The following EMC3 variants were observed in gnomAD, a reference collection of about 807,000 sequenced individuals.
EMC3 encodes the protein 30 kDa protein.
Under a neutral mutation model 36.6 loss-of-function variants are expected in EMC3, and 13 were observed. The ratio of observed to expected loss-of-function variants is 0.35; its 90% CI spans 0.23 to 0.56. The LOEUF (loss-of-function observed/expected upper bound fraction) is 0.56, where lower values mean the gene tolerates loss of function less well. Ranked by LOEUF, EMC3 falls within the 20% of genes least tolerant of loss-of-function variation. EMC3 has a pLI of 0.84. For missense variants in EMC3, 220 were observed against 324.5 expected, an observed-to-expected ratio of 0.68 and a Z score of 2.47; for synonymous variants, 120 against 111.9, an observed-to-expected ratio of 1.07 and a Z score of -0.46.
At chr3:10,007,993 C>T (rs939797508) in intron 1 of EMC3, among the ~76,000 whole-genome samples, 1 of 152,164 alleles carries the variant, frequency 6.6e-6, no homozygotes, top group Non-Finnish European at 1.5e-5. Context: ...CTCCTTGTCT[C>T]CCCAGTGAGC....
intron 1 of EMC3, chr3:10,004,280 A>C (rs1259415908): frequency 6.6e-6 from 1 of 152,228 alleles, no homozygotes; most frequent in African/African-American, 2.4e-5. Flanking sequence ...CCGTGGGTGA[A>C]CAGTGGTCAG....
At chr3:9,981,693 C>A (rs531010552) in intron 1 of EMC3, 17 of 406,652 alleles carry the variant, frequency 4.2e-5, no homozygotes, top group South Asian at 1.9e-4. Flanking sequence ...TCTCAGCCCC[C>A]CAAAGTGCTG....
At chr3:9,975,234 G>A (rs900133418) in intron 3 of EMC3, among the ~76,000 whole-genome samples, 1 of 152,100 alleles carries the variant, frequency 6.6e-6, no homozygotes, top group Non-Finnish European at 1.5e-5. Context: ...TAGACCTATC[G>A]ATTGTTTCCA....
intron 1 of EMC3, chr3:10,010,075 G>A (rs1378135022): frequency 6.6e-6 from 1 of 152,200 alleles, no homozygotes; most frequent in Non-Finnish European, 1.5e-5. Context: ...CACACCCCCC[G>A]CCTTCACCTA....
upstream of EMC3, chr3:9,988,345 A>G: frequency 6.4e-6 from 6 of 933,472 alleles, no homozygotes; most frequent in Non-Finnish European, 1.1e-5. Flanking sequence ...GTAGAAGAGT[A>G]ATTTTTTTCC....
At chr3:9,971,113 G>T (rs1173559411) in intron 5 of EMC3, among the ~76,000 whole-genome samples, 6 of 151,984 alleles carry the variant, frequency 3.9e-5, no homozygotes, top group Non-Finnish European at 8.8e-5. Flanking sequence ...ATTAGAGATG[G>T]GGTCTCACCA....
At chr3:9,975,629 A>T (rs536210452) in intron 3 of EMC3, among the ~76,000 whole-genome samples, 2 of 151,946 alleles carry the variant, frequency 1.3e-5, no homozygotes, top group African/African-American at 2.4e-5. Context: ...TGGCTAACAC[A>T]ATGAAACCCC....
Position 9,966,176 on chromosome 3 carries a change from C to CT in EMC3, c.658-1980dup, listed in dbSNP as rs549860980. 2.1e-3 allele frequency among the ~76,000 whole-genome samples: 319 copies of CT among 150,052 alleles called. 1 individual carries two copies. Among genetic ancestry groups the CT allele is most frequent in the African/African-American group, 6.6e-3 (269 of 40,860 alleles). On this transcript the variant is annotated intron_variant, in intron 7 of 7. Transcript: ENST00000245046. ...CTTACCGACACTTGTTATTGTTGATCTTTTTTTTTATTAATTATAACCATC... is the reference window on the plus strand; with the variant it reads ...CTTACCGACACTTGTTATTGTTGATCTTTTTTTTTTATTAATTATAACCATC...
Position 9,972,986 on chromosome 3 carries a change from G to A in EMC3, c.494+642C>T, listed in dbSNP as rs112116679. On this transcript the variant is annotated intron_variant, in intron 5 of 7. Transcript: ENST00000245046. ...TGGGACTACAGGCACCCATCACCAC[G>A]CCCAGCTAACTTTTTGTATTTTTAG... Among the ~76,000 whole-genome samples the A allele has an allele frequency of 3.4e-4, 51 of 148,230 alleles. 1 individual carries two copies. The highest frequency in any genetic ancestry group is 3.6e-3 in the Middle Eastern group (1 of 280).
intron 1 of EMC3, chr3:10,003,834 A>G (rs977633342): frequency 1.3e-5 from 2 of 157,184 alleles, no homozygotes; most frequent in Admixed American, 1.2e-4. Context: ...GGCCTAGACC[A>G]TGTTCAGGCA....
At chr3:9,999,227 G>A (rs534804564) in intron 1 of EMC3, among the ~76,000 whole-genome samples, 5 of 151,412 alleles carry the variant, frequency 3.3e-5, no homozygotes, top group Admixed American at 6.6e-5. Flanking sequence ...ATTTAGTTTC[G>A]ATAAAGTCAA....
chr3:9,987,832 A>G (rs911487259), upstream of EMC3: 56 of 608,432 alleles, frequency 9.2e-5, 1 homozygote, highest in Admixed American at 1.2e-3. Context: ...GGAGATTGTC[A>G]TGGTTGAGAG....
chr3:10,007,495 G>A (rs757649497), intron 1 of EMC3: 22 of 1,367,500 alleles, frequency 1.6e-5, no homozygotes, highest in African/African-American at 8.9e-5. Flanking sequence ...TTTCTGCTTC[G>A]ATGGTTTCTT....
chr3:9,983,009 TC>T (rs1272439021), intron 1 of EMC3, among the ~76,000 whole-genome samples: 9 of 152,256 alleles, frequency 5.9e-5, no homozygotes, highest in Admixed American at 3.9e-4. Context: ...ACTGAGCCAC[TC>T]CATGTCAGAG....
upstream of EMC3, among the ~76,000 whole-genome samples, chr3:9,991,504 A>G (rs1344002784): frequency 1.3e-5 from 2 of 152,040 alleles, no homozygotes; most frequent in African/African-American, 2.4e-5. Flanking sequence ...AATCTTAACT[A>G]TGATTATGGG....
intron 1 of EMC3, chr3:10,003,669 A>G (rs778301651): frequency 3.6e-5 from 7 of 194,274 alleles, no homozygotes; most frequent in East Asian, 1.1e-4. Flanking sequence ...CCAGAGAGTG[A>G]TAAGTATTTT....
upstream of EMC3, chr3:9,987,807 T>A (rs1490993549): frequency 5.6e-6 from 3 of 535,352 alleles, no homozygotes; most frequent in Non-Finnish European, 1.0e-5. Flanking sequence ...AAATTTTTTC[T>A]TCCTCAGTCT....
At chr3:9,979,760 T>C (rs572616882) in intron 1 of EMC3, among the ~76,000 whole-genome samples, 39 of 152,292 alleles carry the variant, frequency 2.6e-4, no homozygotes, top group African/African-American at 9.4e-4. Flanking sequence ...TGATGGAGTC[T>C]GGAAAGTCAA....
intron 5 of EMC3, among the ~76,000 whole-genome samples, chr3:9,972,518 C>T (rs1273624548): frequency 2.7e-5 from 4 of 148,734 alleles, no homozygotes; most frequent in African/African-American, 9.9e-5. Context: ...TGCCTGTAAT[C>T]CCAGCACTAT....
Sources: allele counts gnomAD v4.1 joint callset (sites outside exome capture counted in the v4.1 genomes callset), GRCh38; gene constraint gnomAD v4.1.1; transcripts MANE v1.5; gene names NCBI Gene and HGNC (gene_info 2026-07-23, HGNC 2026-07-21).